Variants in RYR2 observed in about 807,000 individuals in gnomAD.
RYR2 encodes the protein cardiac muscle ryanodine receptor-calcium release channel.
In RYR2, 227 loss-of-function variants were observed where a neutral mutation model predicts 601.1. That is an observed-to-expected ratio of 0.38 (90% CI 0.34 to 0.42). RYR2 has a LOEUF of 0.42. Among genes scored for constraint, RYR2 ranks in the 10% least tolerant of loss-of-function variants. RYR2 has a pLI of 1.00. For synonymous variants in RYR2, 2,223 were observed against 2,175.1 expected (o/e 1.02, Z -0.61); for missense variants, 4,646 against 6,156.5 (o/e 0.75, Z 8.21).
At chr1:237,264,717 C>T (rs371572545) in intron 1 of RYR2, among the ~76,000 whole-genome samples, 23 of 149,588 alleles carry the variant, frequency 1.5e-4, no homozygotes, top group Non-Finnish European at 2.5e-4. Flanking sequence ...TTTTTTGAGA[C>T]GGAGTCTTGC....
chr1:237,465,916 T>C (rs1660038366), intron 16 of RYR2, among the ~76,000 whole-genome samples: 1 of 152,230 alleles, frequency 6.6e-6, no homozygotes, highest in South Asian at 2.1e-4. Context: ...GATTCATTGT[T>C]GACCAAATCA....
At chr1:237,056,203 T>A (rs551390983) in intron 1 of RYR2, among the ~76,000 whole-genome samples, 2 of 149,182 alleles carry the variant, frequency 1.3e-5, no homozygotes, top group South Asian at 4.3e-4. Flanking sequence ...CTGTGAGGAC[T>A]GGAGCACTGC....
chr1:237,654,524 G>C, intron 52 of RYR2, 110 bp downstream of exon 52: 1 of 1,038,814 alleles, frequency 9.6e-7, no homozygotes, highest in South Asian at 2.0e-5. Context: ...ACCAAGACAC[G>C]TATGGCTTGA....
intron 1 of RYR2, among the ~76,000 whole-genome samples, chr1:237,146,581 G>A (rs900681445): frequency 6.6e-5 from 10 of 152,110 alleles, no homozygotes; most frequent in Non-Finnish European, 1.0e-4. Context: ...TGTTTTTCTT[G>A]ACTAGTTCAA....
rs1057524453 is a variant in RYR2 at position 237,270,544 on chromosome 1, A to G, written c.96A>G (p.Gln32=). 6.3e-7 allele frequency: 1 copy of G among 1,598,626 alleles called. No individual in the cohort carries two copies. ...GCACCGCAACCATCCACAAAGAACA[A>G]CAGAAGCTATGCTTGGCAGCAGAAG... ...LQCTATIHKE[Q]QKLCLAAEGF... Residue 32 remains glutamine (Q), a synonymous_variant, in exon 2 of 105, where the codon CAA becomes CAG. Coordinates refer to ENST00000366574, the MANE Select transcript of RYR2 (RefSeq NM_001035.3).
At chr1:237,514,896 G>A (rs762397012) in intron 24 of RYR2, among the ~76,000 whole-genome samples, 1 of 152,132 alleles carries the variant, frequency 6.6e-6, no homozygotes, top group East Asian at 1.9e-4. Context: ...TAGGTTTTTT[G>A]TTTGTTTAAT....
intron 13 of RYR2, among the ~76,000 whole-genome samples, chr1:237,441,938 T>G (rs1707942905): frequency 6.6e-6 from 1 of 152,238 alleles, no homozygotes; most frequent in African/African-American, 2.4e-5. Flanking sequence ...TGTGACTTAT[T>G]CTGTCTTCAT....
intron 29 of RYR2, among the ~76,000 whole-genome samples, chr1:237,584,245 T>C (rs904219268): frequency 6.6e-6 from 1 of 152,194 alleles, no homozygotes; most frequent in Non-Finnish European, 1.5e-5. Context: ...GCCTACTTCA[T>C]GCTAATAAAG....
chr1:237,121,448 A>T (rs149083078), intron 1 of RYR2, among the ~76,000 whole-genome samples: 1 of 152,214 alleles, frequency 6.6e-6, no homozygotes, highest in African/African-American at 2.4e-5. Context: ...TACAGTAAAA[A>T]TGTATTTGCA....
chr1:237,136,428 A>T (rs1013485369), intron 1 of RYR2, among the ~76,000 whole-genome samples: 1 of 152,212 alleles, frequency 6.6e-6, no homozygotes, highest in Non-Finnish European at 1.5e-5. Context: ...TCTGAGAGCT[A>T]TAAATGACAT....
chr1:237,592,993 C>A (rs2148454560), intron 32 of RYR2, among the ~76,000 whole-genome samples: 1 of 150,630 alleles, frequency 6.6e-6, no homozygotes, highest in South Asian at 2.1e-4. Flanking sequence ...TACACCCCAG[C>A]CTGGGTGACA....
chr1:237,399,561 A>G (rs1218869775), intron 10 of RYR2, among the ~76,000 whole-genome samples: 15 of 152,208 alleles, frequency 9.9e-5, no homozygotes, highest in Admixed American at 9.8e-4. Flanking sequence ...GCTCTCAGCA[A>G]GGCAATCTAC....
At chr1:237,680,421 A>C in intron 61 of RYR2, 35 bp from the exon 62 acceptor site, 10 of 1,592,036 alleles carry the variant, frequency 6.3e-6, no homozygotes, top group Non-Finnish European at 8.6e-6. Flanking sequence ...GAAAGATTCC[A>C]CTACGTAGAT....
At chr1:237,195,172 TA>T (rs1558404595) in intron 1 of RYR2, among the ~76,000 whole-genome samples, 1 of 152,306 alleles carries the variant, frequency 6.6e-6, no homozygotes, top group Middle Eastern at 3.4e-3. Context: ...TTATAAAATG[TA>T]AAATACAGAA....
rs540542353 is a variant in RYR2, at chr1:237,468,841, T to A, written c.1613-251T>A. Among the ~76,000 whole-genome samples, 6 of 152,320 alleles carry A rather than the reference T, an allele frequency of 3.9e-5. No homozygotes were observed. The South Asian group carries it at 1.2e-3, about 32-fold the overall frequency. On this transcript the variant is annotated intron_variant, in intron 16 of 104. Transcript: ENST00000366574. ...ATTACCCTTTACTATTACCTCCCAA[T>A]GTGAAATTCACTTTCCGAAATTACA... is the stretch of plus-strand genomic sequence containing the variant.
chr1:237,761,172 G>T, intron 84 of RYR2, 144 bp downstream of exon 84: 1 of 632,958 alleles, frequency 1.6e-6, no homozygotes. Context: ...AAAGTTCATA[G>T]TTGGACACCG....
At chr1:237,664,780 C>CA (rs1224793215) in intron 56 of RYR2, among the ~76,000 whole-genome samples, 1 of 152,132 alleles carries the variant, frequency 6.6e-6, no homozygotes, top group Non-Finnish European at 1.5e-5. Context: ...GTCCCCAAAT[C>CA]AATAGCTGTG....
At chr1:237,796,278 T>A (rs2149398178) in intron 96 of RYR2, among the ~76,000 whole-genome samples, 2 of 151,978 alleles carry the variant, frequency 1.3e-5, no homozygotes, top group Middle Eastern at 3.4e-3. Context: ...AAAGCAAGAG[T>A]TTCTTGCTTT....
intron 1 of RYR2, among the ~76,000 whole-genome samples, chr1:237,185,995 T>C (rs1294611007): frequency 6.6e-6 from 1 of 152,150 alleles, no homozygotes; most frequent in Non-Finnish European, 1.5e-5. Context: ...AATCTATCCC[T>C]AGGTCTTAGG....
Sources: gnomAD v4.1 joint callset for allele counts (sites outside exome capture counted in the v4.1 genomes callset) on GRCh38, gnomAD v4.1.1 for gene constraint, MANE v1.5 for transcripts, NCBI Gene and HGNC (gene_info 2026-07-23, HGNC 2026-07-21) for gene names.